The following ZNF385D variants were observed in gnomAD, a reference collection of about 807,000 sequenced individuals.
ZNF385D encodes zinc finger protein 385D.
ZNF385D carries 15 observed loss-of-function variants against 35.8 expected under a neutral mutation model. The ratio of observed to expected loss-of-function variants is 0.42; its 90% confidence interval spans 0.28 to 0.64. The LOEUF is 0.64. Among genes scored for constraint, ZNF385D ranks in the 30% least tolerant of loss-of-function variants. The probability of loss-of-function intolerance (pLI) is 0.23; values close to 1 mark genes in which losing one functional copy is unlikely to be tolerated. For missense variants in ZNF385D, 474 were observed against 494.6 expected, an observed-to-expected ratio of 0.96 and a Z score of 0.39; for synonymous variants, 212 against 186.8, an observed-to-expected ratio of 1.13 and a Z score of -1.10.
Position 21,465,007 on chromosome 3 carries a change from TAAG to T in ZNF385D, c.440-27807_440-27805del, listed in dbSNP as rs1156419694. ...GCCGGCCAAGGACTCTGCTACAAAA[TAAG>T]AAGCTATAAATTTCTTTCTCATTAA... On this transcript the variant is annotated intron_variant, in intron 4 of 7. Coordinates refer to ENST00000281523, the MANE Select transcript of ZNF385D (RefSeq NM_024697.3). This position sits in a 1 kb window ranked among gnomAD's most constrained non-coding sequence, Gnocchi z 4.2. 1.3e-5 allele frequency among the ~76,000 whole-genome samples: 2 copies of T among 152,148 alleles called. No individual in the cohort carries two copies. Among genetic ancestry groups the T allele is most frequent in the Non-Finnish European group, 2.9e-5 (2 of 68,018 alleles).
intron 3 of ZNF385D, among the ~76,000 whole-genome samples, chr3:21,957,427 C>G (rs1702350800): frequency 6.6e-6 from 1 of 152,084 alleles, no homozygotes; most frequent in South Asian, 2.1e-4. Context: ...TTTCTGTAGA[C>G]TTGTTGAATG....
At chr3:21,566,839 T>G (rs922558627) in intron 2 of ZNF385D, among the ~76,000 whole-genome samples, 1 of 152,166 alleles carries the variant, frequency 6.6e-6, no homozygotes, top group Admixed American at 6.5e-5. Context: ...CCCTCTGTGG[T>G]CATTCTCTGC....
At position 21,921,816 on chromosome 3, in the gene ZNF385D, G is replaced by C. The variant is rs539989483; in HGVS notation, c.325+247001C>G. On this transcript the variant is annotated intron_variant, in intron 3 of 5. Coordinates refer to the ZNF385D transcript ENST00000494108. ...AGAATTTGAAACCCTGAACAGACCAGCAAGTTTTGAAACTGAATCAGTAAT... is the reference window on the plus strand; with the variant it reads ...AGAATTTGAAACCCTGAACAGACCACCAAGTTTTGAAACTGAATCAGTAAT... 7.2e-4 allele frequency among the ~76,000 whole-genome samples: 107 copies of C among 148,658 alleles called. 2 individuals are homozygous for C. Among genetic ancestry groups the C allele is most frequent in the Non-Finnish European group, 1.4e-3 (92 of 67,384 alleles).
intron 1 of ZNF385D, among the ~76,000 whole-genome samples, chr3:21,687,648 G>A (rs2067149525): frequency 6.6e-6 from 1 of 152,052 alleles, no homozygotes; most frequent in South Asian, 2.1e-4. Context: ...CATTCCCTGG[G>A]TTTGGACAAA....
intron 2 of ZNF385D, among the ~76,000 whole-genome samples, chr3:21,597,893 A>T (rs1281826158): frequency 6.6e-6 from 1 of 152,190 alleles, no homozygotes; most frequent in African/African-American, 2.4e-5. Flanking sequence ...ATGAAAAAAC[A>T]CACACAGGGA....
intron 2 of ZNF385D, among the ~76,000 whole-genome samples, chr3:22,347,730 A>T (rs1333189843): frequency 2.0e-5 from 3 of 152,212 alleles, no homozygotes; most frequent in African/African-American, 7.2e-5. Flanking sequence ...AAAGATGGGA[A>T]TGGAAGAAAA....
At chr3:21,597,661 G>A (rs1011780178) in intron 2 of ZNF385D, among the ~76,000 whole-genome samples, 9 of 152,138 alleles carry the variant, frequency 5.9e-5, no homozygotes, top group Admixed American at 2.6e-4. Flanking sequence ...TAGATGGAAT[G>A]TAAAAGATAT....
chr3:22,030,375 A>T (rs1697921113), intron 3 of ZNF385D, among the ~76,000 whole-genome samples: 4 of 145,308 alleles, frequency 2.8e-5, no homozygotes, highest in Admixed American at 2.1e-4. Flanking sequence ...ACATGGTTTA[A>T]GAGGCCTCAG....
intron 2 of ZNF385D, among the ~76,000 whole-genome samples, chr3:22,296,924 T>C (rs1265989674): frequency 6.6e-6 from 1 of 152,098 alleles, no homozygotes; most frequent in African/African-American, 2.4e-5. Flanking sequence ...TATACAATAA[T>C]GCAAATATCA....
intron 3 of ZNF385D, among the ~76,000 whole-genome samples, chr3:21,519,889 C>T (rs1171825755): frequency 6.6e-6 from 1 of 152,170 alleles, no homozygotes; most frequent in African/African-American, 2.4e-5. Context: ...AATGTTCACT[C>T]TAATTATGTT....
At chr3:22,176,352 T>C (rs541227089) in intron 2 of ZNF385D, among the ~76,000 whole-genome samples, 1 of 152,326 alleles carries the variant, frequency 6.6e-6, no homozygotes, top group East Asian at 1.9e-4. Context: ...AAAGCATTAA[T>C]TGTTTTACAT....
At chr3:21,532,562 T>C (rs1456734018) in intron 3 of ZNF385D, among the ~76,000 whole-genome samples, 1 of 151,864 alleles carries the variant, frequency 6.6e-6, no homozygotes, top group Non-Finnish European at 1.5e-5. Context: ...CAAAGCCTTA[T>C]GAAAAATAAT....
At chr3:21,579,074 C>T (rs976331654) in intron 2 of ZNF385D, 5 of 152,084 alleles carry the variant, frequency 3.3e-5, no homozygotes, top group African/African-American at 1.2e-4. Context: ...ATAACAAAAT[C>T]TCTTTCAAAG....
intron 4 of ZNF385D, among the ~76,000 whole-genome samples, chr3:21,475,931 T>C (rs115013650): frequency 0.046 from 7,015 of 151,802 alleles, 237 homozygotes; most frequent in Non-Finnish European, 0.07. Context: ...CCTTTAGATA[T>C]AGCTTTTGTG....
chr3:22,113,563 C>A (rs1702649240), intron 3 of ZNF385D, among the ~76,000 whole-genome samples: 1 of 152,034 alleles, frequency 6.6e-6, no homozygotes. Context: ...TCATAAAGAA[C>A]TTTTGGGACA....
chr3:21,499,030 G>A (rs570746973), intron 4 of ZNF385D, among the ~76,000 whole-genome samples: 2 of 151,982 alleles, frequency 1.3e-5, no homozygotes, highest in Admixed American at 6.5e-5. Context: ...ACTGTTGGTG[G>A]GAGTGTAAAC....
At chr3:21,916,443 A>C (rs1700197130) in intron 3 of ZNF385D, among the ~76,000 whole-genome samples, 1 of 152,220 alleles carries the variant, frequency 6.6e-6, no homozygotes. Context: ...TGTCTAAAAT[A>C]TAATCTGCAC....
intron 2 of ZNF385D, among the ~76,000 whole-genome samples, chr3:22,178,648 G>GAGGAC (rs1695000809): frequency 6.6e-6 from 1 of 152,112 alleles, no homozygotes; most frequent in Non-Finnish European, 1.5e-5. Flanking sequence ...TAGACATGAA[G>GAGGAC]TCCTTGCCCC....
chr3:21,429,910 C>A (rs1174398055), intron 5 of ZNF385D, among the ~76,000 whole-genome samples: 2 of 151,894 alleles, frequency 1.3e-5, no homozygotes, highest in Admixed American at 1.3e-4. Context: ...ATACAAACAG[C>A]AAAATGCAAA....
Sources: gnomAD v4.1 joint callset for allele counts (sites outside exome capture counted in the v4.1 genomes callset) on GRCh38, gnomAD v4.1.1 for gene constraint, Gnocchi (gnomAD v3.1) non-coding constraint, MANE v1.5 for transcripts, NCBI Gene and HGNC (gene_info 2026-07-23, HGNC 2026-07-21) for gene names.